Variants in MRTFA observed in about 807,000 individuals in gnomAD.
MRTFA encodes the protein myocardin related transcription factor A.
MRTFA carries 20 observed loss-of-function variants against 83.5 expected under a neutral mutation model. The ratio of observed to expected loss-of-function variants is 0.24; its 90% CI spans 0.17 to 0.35. MRTFA has a LOEUF of 0.35. Among genes scored for constraint, MRTFA ranks in the 10% least tolerant of loss-of-function variants. MRTFA has a pLI of 1.00. For synonymous variants in MRTFA, 659 were observed against 541.2 expected (o/e 1.22, Z -3.02); for missense variants, 1,200 against 1,224.7 (o/e 0.98, Z 0.30).
In MRTFA at chr22:40,411,713, G is replaced by A; in HGVS notation, c.2773C>T (p.Pro925Ser). ...CCGTCATGCCCACTGGTCAGCAGGG[G>A]CAGCCCCGTGCTGCTCTCCAGGAAG... The change falls in exon 15 of 15, where the codon CCC becomes TCC. Residue 925 changes from proline to serine, a missense_variant. Physicochemically the swap from Pro to Ser is moderately conservative, Grantham distance 74 (BLOSUM62 -1). Transcript: ENST00000355630. 1 of 1,572,218 alleles carries A rather than the reference G, an allele frequency of 6.4e-7. No individual in the cohort carries two copies. The highest frequency in any genetic ancestry group is 2.3e-5 in the East Asian group (1 of 44,252).
intron 4 of MRTFA, among the ~76,000 whole-genome samples, chr22:40,451,975 G>GTTTTT (rs771103539): frequency 1.2e-4 from 10 of 80,478 alleles, no homozygotes; most frequent in Non-Finnish European, 1.6e-4. Context: ...TTTTTTTTTG[G>GTTTTT]TTTTTTTTTT....
intron 13 of MRTFA, 111 bp downstream of exon 13, chr22:40,417,230 T>C (rs2052700691): frequency 1.4e-6 from 2 of 1,480,016 alleles, no homozygotes. Context: ...TCTCTGACCC[T>C]GAAGCTGGGC....
At chr22:40,630,080 A>G (rs1037922566) in intron 1 of MRTFA, among the ~76,000 whole-genome samples, 16 of 152,122 alleles carry the variant, frequency 1.1e-4, no homozygotes, top group African/African-American at 3.9e-4. Flanking sequence ...TGGGAGGCCA[A>G]GGCAGGCGGA....
At chr22:40,539,802 G>A (rs992590403) in intron 3 of MRTFA, among the ~76,000 whole-genome samples, 4 of 151,194 alleles carry the variant, frequency 2.6e-5, no homozygotes, top group Non-Finnish European at 4.4e-5. Context: ...GCGCCCAGCC[G>A]ACGACAACTA....
intron 2 of MRTFA, among the ~76,000 whole-genome samples, chr22:40,576,195 AT>A (rs1333645097): frequency 6.6e-6 from 1 of 150,950 alleles, no homozygotes; most frequent in Admixed American, 6.6e-5. Flanking sequence ...CGCTCAGCTA[AT>A]TTTTTTTTAT....
chr22:40,488,001 T>C (rs1157561428), intron 3 of MRTFA, among the ~76,000 whole-genome samples: 2 of 152,104 alleles, frequency 1.3e-5, no homozygotes, highest in Admixed American at 6.5e-5. Flanking sequence ...ATCACACACA[T>C]ACAACCATCA....
At chr22:40,626,078 G>A (rs908816178) in intron 1 of MRTFA, among the ~76,000 whole-genome samples, 4 of 148,726 alleles carry the variant, frequency 2.7e-5, no homozygotes, top group East Asian at 2.0e-4. Context: ...CCACCTCCCC[G>A]GTTCAAGCAA....
intron 3 of MRTFA, among the ~76,000 whole-genome samples, chr22:40,506,865 T>A (rs974517087): frequency 6.6e-6 from 1 of 152,222 alleles, no homozygotes; most frequent in Non-Finnish European, 1.5e-5. Context: ...CAAGCACATG[T>A]GACACACAAA....
chr22:40,420,549 G>A lies in MRTFA; in HGVS notation c.1209C>T (p.Ser403=), dbSNP rs748321686. ...AGAGGCTGCGTACTGGGGGGGTCCC[G>A]CTGCTTCCCAGGGCCTCGCCTGCTG... Residue 403 remains serine, a synonymous_variant, in exon 11 of 15, where the codon AGC becomes AGT. Coordinates refer to ENST00000355630, the MANE Select transcript of MRTFA (RefSeq NM_020831.6). 3.5e-5 allele frequency: 57 copies of A among 1,613,394 alleles called. No individual in the cohort carries two copies. Among genetic ancestry groups the A allele is most frequent in the Admixed American group, 3.5e-4 (21 of 60,002 alleles).
rs183943580 is a variant in MRTFA at position 40,428,520 on chromosome 22, G to A, written c.601+1086C>T. On this transcript the variant is annotated intron_variant, in intron 7 of 14. Coordinates refer to ENST00000355630, the MANE Select transcript of MRTFA (RefSeq NM_020831.6). Reference sequence around the variant, plus strand: ...GAACTGTGCTTACTGCTCCCACCTCGTTTTTGTTTTTGAGACAGGGTCTCA... The same window carrying A: ...GAACTGTGCTTACTGCTCCCACCTCATTTTTGTTTTTGAGACAGGGTCTCA... 9.1e-4 allele frequency among the ~76,000 whole-genome samples: 138 copies of A among 152,168 alleles called. 1 individual carries two copies. In the Middle Eastern group the frequency reaches 0.02, roughly 23 times the overall value.
intron 2 of MRTFA, among the ~76,000 whole-genome samples, chr22:40,592,457 A>T (rs1450127762): frequency 7.3e-6 from 1 of 136,594 alleles, no homozygotes. Context: ...CTCTTAACTT[A>T]AAAAAAAAAA....
intron 4 of MRTFA, among the ~76,000 whole-genome samples, chr22:40,459,862 T>C (rs11914256): frequency 0.031 from 3,789 of 121,382 alleles, 221 homozygotes; most frequent in African/African-American, 0.1. Flanking sequence ...TATATATATA[T>C]ACACACATGA....
At chr22:40,539,459 C>A (rs1411488886) in intron 3 of MRTFA, among the ~76,000 whole-genome samples, 1 of 144,378 alleles carries the variant, frequency 6.9e-6, no homozygotes, top group Non-Finnish European at 1.6e-5. Flanking sequence ...CCTGCCTTAG[C>A]CTCCCAAGTA....
At position 40,416,999 on chromosome 22, in the gene MRTFA, G is replaced by C. The variant is rs1183543996; in HGVS notation, c.2565C>G (p.Leu855=). 1.3e-6 allele frequency: 2 copies of C among 1,598,434 alleles called. No homozygotes were observed. The highest frequency in any genetic ancestry group is 2.7e-5 in the African/African-American group (2 of 74,768). Residue 855 remains leucine (L), a synonymous_variant, in exon 14 of 15, where the codon CTC becomes CTG. Coordinates refer to ENST00000355630, the MANE Select transcript of MRTFA (RefSeq NM_020831.6). The surrounding 1 kb of genome is among the most constrained non-coding windows in gnomAD (Gnocchi z 4.2). ...ACCTGGGGTTACCTCCGCTCTGAATGAGAATGTCAAACAGGTCGTCCATCT... is the reference window on the plus strand; with the variant it reads ...ACCTGGGGTTACCTCCGCTCTGAATCAGAATGTCAAACAGGTCGTCCATCT...
chr22:40,605,280 C>T (rs1408953679), intron 1 of MRTFA, among the ~76,000 whole-genome samples: 1 of 152,102 alleles, frequency 6.6e-6, no homozygotes, highest in Non-Finnish European at 1.5e-5. Context: ...AGTAGGCAAG[C>T]CATCAAGCAG....
intron 3 of MRTFA, among the ~76,000 whole-genome samples, chr22:40,512,824 A>G (rs1412036487): frequency 6.6e-6 from 1 of 152,246 alleles, no homozygotes; most frequent in Admixed American, 6.5e-5. Flanking sequence ...CTGAAAAGCT[A>G]AGAAATTCAT....
intron 1 of MRTFA, among the ~76,000 whole-genome samples, chr22:40,626,997 T>G (rs1056764293): frequency 6.6e-6 from 1 of 152,146 alleles, no homozygotes; most frequent in East Asian, 1.9e-4. Context: ...ACTTTCCAAG[T>G]TCCTGTAAAT....
intron 5 of MRTFA, among the ~76,000 whole-genome samples, chr22:40,434,019 T>C (rs2053119895): frequency 2.0e-5 from 3 of 152,252 alleles, no homozygotes; most frequent in Admixed American, 2.0e-4. Context: ...TTAACTTCTC[T>C]TAGCTGCATC....
At position 40,416,464 on chromosome 22, in the gene MRTFA, G is replaced by A. The variant is rs929356552; in HGVS notation, c.2578+522C>T. Reference sequence around the variant, plus strand: ...AATGGAGCCAAAGCCACCCTGCCCTGGTGCCCAGGAGGCCACGCATGATCT... The same window carrying A: ...AATGGAGCCAAAGCCACCCTGCCCTAGTGCCCAGGAGGCCACGCATGATCT... On this transcript the variant is annotated intron_variant, in intron 14 of 14. Coordinates refer to ENST00000355630, the MANE Select transcript of MRTFA (RefSeq NM_020831.6). This position sits in a 1 kb window ranked among gnomAD's most constrained non-coding sequence, Gnocchi z 4.2. Among the ~76,000 whole-genome samples the A allele has an allele frequency of 7.9e-5, 12 of 152,198 alleles. No homozygotes were observed. Among genetic ancestry groups the A allele is most frequent in the African/African-American group, 2.9e-4 (12 of 41,460 alleles).
Sources: gnomAD v4.1 joint callset for allele counts (sites outside exome capture counted in the v4.1 genomes callset) on GRCh38, gnomAD v4.1.1 for gene constraint, Gnocchi (gnomAD v3.1) non-coding constraint, MANE v1.5 for transcripts, NCBI Gene and HGNC (gene_info 2026-07-23, HGNC 2026-07-21) for gene names.